Variants in IQCM observed in about 807,000 individuals in gnomAD.
IQCM encodes the protein IQ motif containing M.
A neutral mutation model predicts 57.6 loss-of-function variants in IQCM; 45 were observed. The ratio of observed to expected loss-of-function variants is 0.78; its 90% CI spans 0.62 to 1.00. The LOEUF (loss-of-function observed/expected upper bound fraction) is 1.00, where lower values mean the gene tolerates loss of function less well. Among genes scored for constraint, IQCM ranks in the 50% least tolerant of loss-of-function variants. The pLI is 0.00. For synonymous variants in IQCM, 148 were observed against 158.9 expected, an observed-to-expected ratio of 0.93 and a Z score of 0.51; for missense variants, 468 against 511.6, an observed-to-expected ratio of 0.91 and a Z score of 0.82.
rs551804368 is a variant in IQCM at position 149,360,981 on chromosome 4, T to A, written c.1391-8915A>T. 9.2e-5 allele frequency among the ~76,000 whole-genome samples: 14 copies of A among 152,344 alleles called. No individual in the cohort carries two copies. In the South Asian group the frequency reaches 1.0e-3, roughly 11 times the overall value. ...TTCCTAGAAACTTGTTGAATGGCTT[T>A]GCCCAAAATGCTGATAGTGATATGG... On this transcript the variant is annotated intron_variant, in intron 13 of 13. Coordinates refer to ENST00000636793, the MANE Select transcript of IQCM (RefSeq NM_001363507.2).
At chr4:149,684,033 TA>T (rs1762379868) in intron 6 of IQCM, among the ~76,000 whole-genome samples, 1 of 151,362 alleles carries the variant, frequency 6.6e-6, no homozygotes, top group Non-Finnish European at 1.5e-5. Flanking sequence ...GCAGTTGTCA[TA>T]ACTTCAAATG....
intron 13 of IQCM, among the ~76,000 whole-genome samples, chr4:149,391,263 A>C (rs557293970): frequency 6.6e-6 from 1 of 151,928 alleles, no homozygotes; most frequent in Non-Finnish European, 1.5e-5. Context: ...ATTTTATTGA[A>C]GTTATCTAAT....
intron 13 of IQCM, among the ~76,000 whole-genome samples, chr4:149,371,033 G>C (rs61140595): frequency 6.6e-6 from 1 of 151,938 alleles, no homozygotes; most frequent in Non-Finnish European, 1.5e-5. Context: ...GGAATTTCTC[G>C]AATTTCCTTC....
At chr4:149,701,313 TA>T (rs1763752524) in intron 5 of IQCM, among the ~76,000 whole-genome samples, 1 of 151,954 alleles carries the variant, frequency 6.6e-6, no homozygotes, top group Non-Finnish European at 1.5e-5. Context: ...TGGAGAAGCC[TA>T]AAACACCACA....
intron 9 of IQCM, among the ~76,000 whole-genome samples, chr4:149,566,255 T>A (rs899232058): frequency 2.6e-5 from 4 of 152,154 alleles, no homozygotes; most frequent in Non-Finnish European, 5.9e-5. Flanking sequence ...CTTTTTCTCA[T>A]TTCTCTCAGA....
chr4:149,489,105 C>A (rs577000710), intron 12 of IQCM, among the ~76,000 whole-genome samples: 6 of 152,152 alleles, frequency 3.9e-5, no homozygotes, highest in African/African-American at 1.4e-4. Context: ...TGCTATTGAA[C>A]TACACTTTTG....
intron 12 of IQCM, among the ~76,000 whole-genome samples, chr4:149,530,005 C>T (rs995747069): frequency 2.0e-5 from 3 of 152,140 alleles, no homozygotes; most frequent in Non-Finnish European, 4.4e-5. Flanking sequence ...GGCTTTCTTG[C>T]TGTCTCTCAT....
intron 13 of IQCM, among the ~76,000 whole-genome samples, chr4:149,415,353 T>C (rs912938532): frequency 1.1e-4 from 17 of 152,296 alleles, no homozygotes; most frequent in African/African-American, 4.1e-4. Context: ...AAGACATCAT[T>C]CTTTAAACTT....
intron 13 of IQCM, chr4:149,430,085 C>T (rs1434898155): frequency 4.0e-6 from 4 of 1,010,042 alleles, no homozygotes; most frequent in Non-Finnish European, 3.8e-6. Context: ...AAACCCAAAA[C>T]TTTCAACTTA....
At chr4:149,698,747 T>C (rs986970907) in intron 5 of IQCM, among the ~76,000 whole-genome samples, 1 of 152,100 alleles carries the variant, frequency 6.6e-6, no homozygotes, top group African/African-American at 2.4e-5. Flanking sequence ...GGTAAATATA[T>C]TGCATTAATT....
At chr4:149,638,161 A>C (rs1561090359) in intron 7 of IQCM, among the ~76,000 whole-genome samples, 1 of 152,196 alleles carries the variant, frequency 6.6e-6, no homozygotes, top group Non-Finnish European at 1.5e-5. Context: ...ACAAATAAAA[A>C]ATATGCATGT....
chr4:149,740,275 C>G (rs1767337641), intron 3 of IQCM, among the ~76,000 whole-genome samples: 1 of 152,164 alleles, frequency 6.6e-6, no homozygotes, highest in Non-Finnish European at 1.5e-5. Context: ...AAAAGCCCCA[C>G]CTCAGACACA....
chr4:149,481,921 T>G (rs1740941699), intron 12 of IQCM, among the ~76,000 whole-genome samples: 3 of 756 alleles, frequency 4.0e-3, no homozygotes, highest in South Asian at 0.091. Flanking sequence ...TATCTTTCCT[T>G]TTTTTGGGGG....
intron 7 of IQCM, 45 bp from the exon 8 acceptor site, chr4:149,621,289 A>G (rs1756311813): frequency 2.1e-5 from 18 of 872,790 alleles, no homozygotes; most frequent in Non-Finnish European, 2.6e-5. Flanking sequence ...CTATCCAGGA[A>G]AAGTACACAC....
At chr4:149,376,305 A>C (rs1730697273) in intron 13 of IQCM, among the ~76,000 whole-genome samples, 1 of 152,168 alleles carries the variant, frequency 6.6e-6, no homozygotes, top group East Asian at 1.9e-4. Flanking sequence ...AGAAAGGGTT[A>C]TCATTGAGTA....
chr4:149,595,418 G>T (rs371344998), intron 8 of IQCM, among the ~76,000 whole-genome samples: 11 of 152,038 alleles, frequency 7.2e-5, no homozygotes, highest in African/African-American at 2.4e-4. Flanking sequence ...CACATAATAC[G>T]AAATGTTTGT....
intron 12 of IQCM, among the ~76,000 whole-genome samples, chr4:149,494,183 A>T (rs1160570398): frequency 1.3e-4 from 20 of 152,078 alleles, no homozygotes; most frequent in Non-Finnish European, 2.9e-4. Flanking sequence ...GTCGTTTTTA[A>T]CGGCTAACAT....
At chr4:149,478,576 A>G (rs941303728) in intron 12 of IQCM, among the ~76,000 whole-genome samples, 2 of 152,202 alleles carry the variant, frequency 1.3e-5, no homozygotes, top group African/African-American at 2.4e-5. Context: ...GAGGGAACAC[A>G]GCATATTTGA....
At chr4:149,664,036 T>C (rs1287580043) in intron 7 of IQCM, among the ~76,000 whole-genome samples, 1 of 152,142 alleles carries the variant, frequency 6.6e-6, no homozygotes, top group Non-Finnish European at 1.5e-5. Flanking sequence ...CTGGATTATT[T>C]TGAAAGCAAG....
Sources: gnomAD v4.1 joint callset for allele counts (sites outside exome capture counted in the v4.1 genomes callset) on GRCh38, gnomAD v4.1.1 for gene constraint, MANE v1.5 for transcripts, NCBI Gene and HGNC (gene_info 2026-07-23, HGNC 2026-07-21) for gene names.